Variants in XKR6 observed in about 807,000 individuals in gnomAD.
The protein encoded by XKR6 is XK related 6.
In XKR6, 22 loss-of-function variants were observed where a neutral mutation model predicts 56.7. The ratio of observed to expected loss-of-function variants is 0.39; its 90% confidence interval spans 0.28 to 0.55. XKR6 has a LOEUF of 0.55. Among genes scored for constraint, XKR6 ranks in the 20% least tolerant of loss-of-function variants. The pLI is 0.66. For synonymous variants in XKR6, 524 were observed against 387.8 expected, an observed-to-expected ratio of 1.35 and a Z score of -4.13; for missense variants, 852 against 889.0, an observed-to-expected ratio of 0.96 and a Z score of 0.53.
In XKR6 at chr8:10,898,836, C is replaced by T. The variant is rs767011160; in HGVS notation, c.1042G>A (p.Asp348Asn). The T allele has an allele frequency of 2.5e-6, 4 of 1,614,138 alleles. No individual in the cohort carries two copies. The highest frequency in any genetic ancestry group is 2.2e-5 in the South Asian group (2 of 91,058). Reference protein sequence around the residue: ...YHKLLRDSRDDKKSMSYRGAI... With the variant: ...YHKLLRDSRDNKKSMSYRGAI... ...CCTCTGTAGCTCATGCTCTTCTTGT[C>T]GTCCCTGGAGTCCCGCAGCAGCTTG... The change falls in exon 3 of 3, where the codon GAC (aspartate) becomes AAC (asparagine). Residue 348 changes from aspartate (D) to asparagine (N), a missense_variant. By Grantham distance (23) the Asp-to-Asn change is conservative. Coordinates refer to ENST00000416569, the MANE Select transcript of XKR6 (RefSeq NM_173683.4). The surrounding 1 kb of genome is among the most constrained non-coding windows in gnomAD (Gnocchi z 6.6).
At position 10,946,552 on chromosome 8, in the gene XKR6, C is replaced by T. The variant is rs960261861; in HGVS notation, c.765-21722G>A. On this transcript the variant is annotated intron_variant, in intron 1 of 2. Transcript: ENST00000416569. ...CCACCCCTGGGGGTGGCGTGTCCTG[C>T]GGTTTTCCCTCCCCACGGGCTATGC... 1.2e-4 allele frequency among the ~76,000 whole-genome samples: 19 copies of T among 152,102 alleles called. No homozygotes were observed. The East Asian group carries it at 2.1e-3, about 17-fold the overall frequency.
At chr8:11,160,911 C>CAAAAAAAAA (rs33931830) in intron 1 of XKR6, among the ~76,000 whole-genome samples, 15 of 63,746 alleles carry the variant, frequency 2.4e-4, no homozygotes, top group South Asian at 6.6e-4. Context: ...GACTCCGTCT[C>CAAAAAAAAA]AAAAAAAAAA....
At chr8:11,041,797 A>G (rs1420083056) in intron 1 of XKR6, among the ~76,000 whole-genome samples, 1 of 152,198 alleles carries the variant, frequency 6.6e-6, no homozygotes, top group African/African-American at 2.4e-5. Flanking sequence ...ACCTTACGCT[A>G]CTGGTGGAAT....
intron 1 of XKR6, among the ~76,000 whole-genome samples, chr8:10,945,091 T>C (rs1801495354): frequency 6.6e-6 from 1 of 152,136 alleles, no homozygotes; most frequent in African/African-American, 2.4e-5. Flanking sequence ...TGGGTGAAAC[T>C]GGCTCCACCC....
At chr8:11,087,116 T>A (rs766144434) in intron 1 of XKR6, among the ~76,000 whole-genome samples, 17 of 152,214 alleles carry the variant, frequency 1.1e-4, no homozygotes, top group Non-Finnish European at 1.8e-4. Context: ...CTCTAAACTC[T>A]TGTACACTCT....
intron 1 of XKR6, among the ~76,000 whole-genome samples, chr8:11,172,469 C>G (rs554148802): frequency 6.6e-6 from 1 of 152,286 alleles, no homozygotes; most frequent in East Asian, 1.9e-4. Context: ...ATCAGTTTGG[C>G]CATCTTCAGG....
chr8:11,131,183 G>A (rs78496549), intron 1 of XKR6, among the ~76,000 whole-genome samples: 4,342 of 152,198 alleles, frequency 0.029, 220 homozygotes, highest in African/African-American at 0.098. Context: ...GTTCATCTCA[G>A]TGAGCCTCTT....
chr8:10,911,635 A>T (rs950699734), intron 2 of XKR6, among the ~76,000 whole-genome samples: 29 of 146,080 alleles, frequency 2.0e-4, no homozygotes, highest in African/African-American at 7.0e-4. Context: ...AGAGGGGGTG[A>T]GTATATATAT....
intron 1 of XKR6, among the ~76,000 whole-genome samples, chr8:10,976,572 C>A (rs1208298044): frequency 6.6e-6 from 1 of 152,194 alleles, no homozygotes; most frequent in African/African-American, 2.4e-5. Flanking sequence ...TACCAGGTGT[C>A]TGCTATGTGC....
chr8:11,183,551 G>A (rs1803109997), intron 1 of XKR6, among the ~76,000 whole-genome samples: 1 of 151,620 alleles, frequency 6.6e-6, no homozygotes, highest in African/African-American at 2.4e-5. Context: ...TTGAACTCCT[G>A]GCCTCAAGTG....
At chr8:11,064,694 T>C (rs1799932254) in intron 1 of XKR6, among the ~76,000 whole-genome samples, 1 of 152,184 alleles carries the variant, frequency 6.6e-6, no homozygotes. Flanking sequence ...TTCTTCCACT[T>C]CCGAAAAGAA....
chr8:10,905,035 C>A (rs544306040), intron 2 of XKR6, among the ~76,000 whole-genome samples: 1 of 152,308 alleles, frequency 6.6e-6, no homozygotes, highest in South Asian at 2.1e-4. Flanking sequence ...CAGATCCCAG[C>A]TTCCTGACTC....
chr8:10,962,238 A>T (rs761401730), intron 1 of XKR6, among the ~76,000 whole-genome samples: 1 of 152,218 alleles, frequency 6.6e-6, no homozygotes, highest in East Asian at 1.9e-4. Context: ...ACCCCAAAAC[A>T]TAATATTATC....
intron 1 of XKR6, among the ~76,000 whole-genome samples, chr8:11,096,063 A>G (rs532142913): frequency 3.9e-5 from 6 of 152,246 alleles, no homozygotes; most frequent in Admixed American, 3.3e-4. Context: ...AACAAAGCTA[A>G]AGAATAAATG....
intron 1 of XKR6, among the ~76,000 whole-genome samples, chr8:10,948,265 G>A (rs1006247469): frequency 1.3e-5 from 2 of 152,254 alleles, no homozygotes; most frequent in Non-Finnish European, 2.9e-5. Flanking sequence ...GCTCAGGTCC[G>A]TCCCCATCCA....
At chr8:10,997,605 T>C (rs1469644303) in intron 1 of XKR6, among the ~76,000 whole-genome samples, 1 of 152,134 alleles carries the variant, frequency 6.6e-6, no homozygotes, top group Non-Finnish European at 1.5e-5. Flanking sequence ...GGAGAGAATG[T>C]GCCAGGGCAC....
chr8:11,109,935 C>T lies in XKR6; in HGVS notation c.764+90641G>A, dbSNP rs143804631. Among the ~76,000 whole-genome samples the T allele has an allele frequency of 3.4e-3, 514 of 152,188 alleles. 3 individuals carry two copies. The highest frequency in any genetic ancestry group is 0.012 in the African/African-American group (478 of 41,520). On this transcript the variant is annotated intron_variant, in intron 1 of 2. Transcript: ENST00000416569. ...AATAGAGGTTCAGATTAAAATTTAA[C>T]GTGACTTTTAAAAACCTACTTAATG...
chr8:11,180,096 C>G (rs889966232), intron 1 of XKR6, among the ~76,000 whole-genome samples: 11 of 152,036 alleles, frequency 7.2e-5, no homozygotes, highest in Non-Finnish European at 1.5e-5. Context: ...CTATGATAAG[C>G]ACCACTGCAC....
chr8:11,167,477 C>T (rs1160584335), intron 1 of XKR6, among the ~76,000 whole-genome samples: 1 of 152,172 alleles, frequency 6.6e-6, no homozygotes, highest in Non-Finnish European at 1.5e-5. Context: ...AAGTGGTTGG[C>T]ATTGCCCAAA....
Sources: allele counts gnomAD v4.1 joint callset (sites outside exome capture counted in the v4.1 genomes callset), GRCh38; gene constraint gnomAD v4.1.1; non-coding constraint Gnocchi (gnomAD v3.1); transcripts MANE v1.5; gene names NCBI Gene and HGNC (gene_info 2026-07-23, HGNC 2026-07-21).